DCAF6: variants seen among roughly 807,000 people sequenced by gnomAD.
DCAF6 encodes the protein DDB1 and CUL4 associated factor 6.
A neutral mutation model predicts 125.1 loss-of-function variants in DCAF6; 54 were observed. The observed-to-expected ratio is 0.43, with a 90% CI of 0.35 to 0.54. The LOEUF is 0.54. DCAF6 is among the 20% of genes least tolerant of loss of function. DCAF6 has a pLI of 0.01. For missense variants in DCAF6, 934 were observed against 1,161.7 expected (o/e 0.80, Z 2.85); for synonymous variants, 371 against 390.4 (o/e 0.95, Z 0.58).
At chr1:167,975,144 A>G (rs1207069474) in intron 4 of DCAF6, 129 bp downstream of exon 4, 1 of 485,324 alleles carries the variant, frequency 2.1e-6, no homozygotes, top group African/African-American at 2.0e-5. Flanking sequence ...CATATAAATT[A>G]TTGACAATAT....
At chr1:167,985,381 A>G (rs1195222873) in intron 4 of DCAF6, among the ~76,000 whole-genome samples, 1 of 152,206 alleles carries the variant, frequency 6.6e-6, no homozygotes, top group African/African-American at 2.4e-5. Context: ...TCCAGCTTCT[A>G]GAGGCTACTT....
intron 17 of DCAF6, chr1:168,056,244 A>G (rs868772840): frequency 6.2e-7 from 1 of 1,612,148 alleles, no homozygotes; most frequent in Non-Finnish European, 8.5e-7. Flanking sequence ...TTCTGTTGTT[A>G]CCCATTCGTG....
At chr1:168,026,407 G>T (rs978179581) in intron 12 of DCAF6, among the ~76,000 whole-genome samples, 1 of 152,078 alleles carries the variant, frequency 6.6e-6, no homozygotes, top group Non-Finnish European at 1.5e-5. Flanking sequence ...GATCATTTTG[G>T]CAACATTATA....
In DCAF6 at chr1:168,004,422, T is replaced by TTA. The variant is rs1452395802; in HGVS notation, c.1118-105_1118-104dup. 6.7e-6 allele frequency: 8 copies of TTA among 1,192,548 alleles called. No homozygotes were observed. The East Asian group carries it at 1.9e-4, about 28-fold the overall frequency. 73.9% of individuals were successfully genotyped at this position (1,192,548 alleles called of 1,614,324 possible). A position where few individuals can be genotyped will look rare whatever the true frequency, so the allele number is the denominator to read the frequency against. ...TCACCAGTAGTTATTATCACTGAAATTATATATTTGTGTGTGTAAATATAA... is the reference window on the plus strand; with the variant it reads ...TCACCAGTAGTTATTATCACTGAAATTATATATATTTGTGTGTGTAAATATAA... On this transcript the variant is annotated intron_variant, in intron 9 of 21. Coordinates refer to ENST00000367840, the MANE Select transcript of DCAF6 (RefSeq NM_001198956.2).
At chr1:168,071,897 A>T (rs1693086699) in intron 21 of DCAF6, among the ~76,000 whole-genome samples, 1 of 152,040 alleles carries the variant, frequency 6.6e-6, no homozygotes, top group Admixed American at 6.5e-5. Context: ...CCTCAAACTC[A>T]TCAAGCTTAG....
At chr1:168,067,106 G>A (rs1692436261) in intron 20 of DCAF6, among the ~76,000 whole-genome samples, 1 of 152,066 alleles carries the variant, frequency 6.6e-6, no homozygotes, top group African/African-American at 2.4e-5. Context: ...TTTTATTTGT[G>A]GGTTCTCATA....
chr1:167,925,472 T>TATATATATATAC, the DCAF6 span, among the ~76,000 whole-genome samples: 6 of 102,038 alleles, frequency 5.9e-5, no homozygotes, highest in South Asian at 1.7e-3. Flanking sequence ...TATATATATA[T>TATATATATATAC]ATACATATAC....
rs1298513231 is a variant in DCAF6 at position 167,994,670 on chromosome 1, T to C, written c.903+1230T>C. Among the ~76,000 whole-genome samples the C allele has an allele frequency of 2.6e-5, 4 of 152,326 alleles. No homozygotes were observed. The East Asian group carries it at 7.7e-4, about 29-fold the overall frequency. ...AGTAGAAATAAGGTATCTTTGACAG[T>C]ACACAGCTGTAGAAAAATGTTTGCT... On this transcript the variant is annotated intron_variant, in intron 7 of 21. Transcript: ENST00000367840.
chr1:167,883,150 G>T, the DCAF6 span, among the ~76,000 whole-genome samples: 2 of 152,206 alleles, frequency 1.3e-5, no homozygotes, highest in African/African-American at 4.8e-5. Flanking sequence ...CCATTGTCCT[G>T]CCTCAGCCTC....
the DCAF6 span, chr1:167,880,423 G>C: frequency 8.6e-7 from 1 of 1,169,582 alleles, no homozygotes; most frequent in Non-Finnish European, 1.3e-6. Context: ...CCTGTTCCCT[G>C]CATGCCCTCC....
At chr1:167,980,987 C>A (rs111431245) in intron 4 of DCAF6, among the ~76,000 whole-genome samples, 20,465 of 148,516 alleles carry the variant, frequency 0.14, 1,856 homozygotes, top group African/African-American at 0.26. Context: ...GCTCACTGCA[C>A]CCTCTGCCTC....
chr1:167,936,858 C>CAACAA lies in DCAF6; in HGVS notation c.-54_-53insAACAA. On this transcript the variant is annotated 5_prime_UTR_variant, in exon 1 of 22. Transcript: ENST00000367840. ...GTGTTGAAACGGGTGTCCCCTCCCC[C>CAACAA]TCCTCCCCTCCCCCACGCGGTGGTC... 9.1e-6 allele frequency: 13 copies of CAACAA among 1,428,724 alleles called. No homozygotes were observed. The highest frequency in any genetic ancestry group is 1.3e-5 in the Non-Finnish European group (13 of 1,038,572). 88.5% of individuals were successfully genotyped at this position (1,428,724 alleles called of 1,614,324 possible).
rs1408154503 is a variant in DCAF6, at chr1:167,974,858, G to A, written c.281G>A (p.Arg94Gln). ...KVLTTIRSGH[R>Q]ANIFSAKFLP... The stretch of plus-strand genomic sequence containing the variant: ...TTGACAACAATTCGTTCAGGGCACC[G>A]AGCAAACATATTTAGTGCAAAGTTC... The change falls in exon 4 of 22, where the codon CGA becomes CAA. Residue 94 changes from arginine to glutamine, a missense_variant. Coordinates refer to ENST00000367840, the MANE Select transcript of DCAF6 (RefSeq NM_001198956.2). 9.0e-6 allele frequency: 14 copies of A among 1,557,564 alleles called. No individual in the cohort carries two copies. The highest frequency in any genetic ancestry group is 1.2e-5 in the Non-Finnish European group (14 of 1,151,992).
chr1:167,925,470 T>TATATATATATATATATATAC, the DCAF6 span, among the ~76,000 whole-genome samples: 2 of 107,770 alleles, frequency 1.9e-5, no homozygotes, highest in East Asian at 5.5e-4. Context: ...TATATATATA[T>TATATATATATATATATATAC]ATATACATAT....
intron 2 of DCAF6, among the ~76,000 whole-genome samples, chr1:167,956,096 T>C (rs1674742762): frequency 6.6e-6 from 1 of 152,192 alleles, no homozygotes; most frequent in South Asian, 2.1e-4. Context: ...TTTAGTATGA[T>C]GTCATCAGTT....
At chr1:167,899,571 A>G in the DCAF6 span, 1 of 1,614,100 alleles carries the variant, frequency 6.2e-7, no homozygotes, top group Non-Finnish European at 8.5e-7. Context: ...AATCACCAGA[A>G]AGTGGCTGTG....
Position 168,065,679 on chromosome 1 carries a change from G to T in DCAF6, c.2529G>T (p.Glu843Asp). The T allele has an allele frequency of 3.1e-6, 5 of 1,613,284 alleles. No homozygotes were observed. The highest frequency in any genetic ancestry group is 4.2e-6 in the Non-Finnish European group (5 of 1,179,512). ...HIFIWDRHTA[E>D]HLMLLEADNH... ...TCATCTGGGATCGGCACACTGCTGA[G>T]CATTTGATGCTTCTGGAAGCTGATA... Residue 843 changes from glutamate (E) to aspartate (D), a missense_variant, in exon 19 of 22, where the codon GAG (glutamate) becomes GAT (aspartate). This residue lies in a region of DCAF6 where 559 missense variants were observed against 635.5 expected (regional missense o/e 0.88). Coordinates refer to ENST00000367840, the MANE Select transcript of DCAF6 (RefSeq NM_001198956.2).
At chr1:168,037,702 T>G (rs1688017603) in intron 12 of DCAF6, among the ~76,000 whole-genome samples, 1 of 152,210 alleles carries the variant, frequency 6.6e-6, no homozygotes, top group Non-Finnish European at 1.5e-5. Flanking sequence ...TATAGGCTCT[T>G]AAAATGAAAT....
chr1:167,869,062 AGTAGTTAAAGAC>A, the DCAF6 span, among the ~76,000 whole-genome samples: 4 of 152,270 alleles, frequency 2.6e-5, no homozygotes, highest in South Asian at 4.1e-4. Flanking sequence ...ATCAAAGGCA[AGTAGTTAAAGAC>A]GTAGTTAAAG....
Sources: gnomAD v4.1 joint callset for allele counts (sites outside exome capture counted in the v4.1 genomes callset) on GRCh38, gnomAD v4.1.1 for gene constraint, gnomAD v4.1.1 regional missense constraint, MANE v1.5 for transcripts, NCBI Gene and HGNC (gene_info 2026-07-23, HGNC 2026-07-21) for gene names.